The following RPS6KC1 variants were observed in gnomAD, a reference collection of about 807,000 sequenced individuals.
RPS6KC1 encodes inactive ribosomal protein S6 kinase delta-1.
A neutral mutation model predicts 103.8 loss-of-function variants in RPS6KC1; 54 were observed. The ratio of observed to expected loss-of-function variants is 0.52; its 90% CI spans 0.42 to 0.65. The LOEUF is 0.65. Among genes scored for constraint, RPS6KC1 ranks in the 30% least tolerant of loss-of-function variants. RPS6KC1 has a pLI of 0.00. For synonymous variants in RPS6KC1, 439 were observed against 438.7 expected (o/e 1.00, Z -0.01); for missense variants, 1,151 against 1,253.8 (o/e 0.92, Z 1.24).
chr1:213,533,390 C>T, the RPS6KC1 span, among the ~76,000 whole-genome samples: 1 of 152,158 alleles, frequency 6.6e-6, no homozygotes, highest in Admixed American at 6.5e-5. Context: ...GAAGGTCTTT[C>T]ATGTGGGTTG....
At chr1:213,316,029 A>T in the RPS6KC1 span, among the ~76,000 whole-genome samples, 1 of 152,232 alleles carries the variant, frequency 6.6e-6, no homozygotes, top group African/African-American at 2.4e-5. Context: ...GTGTACCCAC[A>T]CAAATCTCAT....
At chr1:213,134,114 G>C (rs554782576) in intron 6 of RPS6KC1, among the ~76,000 whole-genome samples, 1 of 152,134 alleles carries the variant, frequency 6.6e-6, no homozygotes, top group South Asian at 2.1e-4. Flanking sequence ...CAAATTGAGT[G>C]ACGGCCCTTC....
At chr1:213,577,495 G>C in the RPS6KC1 span, among the ~76,000 whole-genome samples, 2 of 152,258 alleles carry the variant, frequency 1.3e-5, no homozygotes, top group African/African-American at 4.8e-5. Flanking sequence ...GGTTGGAACA[G>C]TTTGGAGGGC....
the RPS6KC1 span, among the ~76,000 whole-genome samples, chr1:213,578,616 T>C: frequency 6.6e-6 from 1 of 152,218 alleles, no homozygotes; most frequent in African/African-American, 2.4e-5. Flanking sequence ...GAGATCATTT[T>C]GGAACTTTAA....
the RPS6KC1 span, among the ~76,000 whole-genome samples, chr1:213,691,661 G>C: frequency 6.6e-6 from 1 of 152,180 alleles, no homozygotes; most frequent in African/African-American, 2.4e-5. Context: ...ATGTTATAAT[G>C]ATTGAAAAGA....
the RPS6KC1 span, among the ~76,000 whole-genome samples, chr1:213,455,483 T>C: frequency 1.3e-5 from 2 of 152,160 alleles, no homozygotes; most frequent in Admixed American, 6.5e-5. Flanking sequence ...CTGAGTTCTG[T>C]CTGGACAAAG....
the RPS6KC1 span, among the ~76,000 whole-genome samples, chr1:213,640,097 A>G: frequency 9.3e-3 from 1,411 of 152,044 alleles, 19 homozygotes; most frequent in African/African-American, 0.032. Context: ...TGGGTTATCT[A>G]CTGTTATCTA....
the RPS6KC1 span, among the ~76,000 whole-genome samples, chr1:213,351,070 A>C: frequency 6.6e-6 from 1 of 152,208 alleles, no homozygotes; most frequent in Non-Finnish European, 1.5e-5. Context: ...ATTATATTTA[A>C]TTAAGTACAT....
the RPS6KC1 span, among the ~76,000 whole-genome samples, chr1:213,678,565 C>T: frequency 2.8e-4 from 42 of 152,348 alleles, no homozygotes; most frequent in Non-Finnish European, 4.8e-4. Flanking sequence ...ACTTCCCACA[C>T]CTGGCTGATC....
the RPS6KC1 span, among the ~76,000 whole-genome samples, chr1:213,795,655 C>T: frequency 2.6e-5 from 4 of 152,056 alleles, no homozygotes; most frequent in African/African-American, 7.2e-5. Flanking sequence ...GTTTCTGTTT[C>T]GTTTTATTTT....
the RPS6KC1 span, among the ~76,000 whole-genome samples, chr1:213,642,117 T>C: frequency 1.3e-5 from 2 of 152,130 alleles, no homozygotes; most frequent in Non-Finnish European, 1.5e-5. Flanking sequence ...CCTGAAGCTC[T>C]TCCTACCCAG....
chr1:213,169,868 G>A (rs1248331291), intron 7 of RPS6KC1, among the ~76,000 whole-genome samples: 3 of 145,600 alleles, frequency 2.1e-5, no homozygotes, highest in African/African-American at 5.2e-5. Flanking sequence ...TGTAACCTCC[G>A]CTTCCCGGGT....
At chr1:213,206,395 C>T (rs1046657765) in intron 8 of RPS6KC1, among the ~76,000 whole-genome samples, 4 of 152,334 alleles carry the variant, frequency 2.6e-5, no homozygotes, top group Admixed American at 6.5e-5. Context: ...CTTTTGAATG[C>T]TGCCCTGGGG....
intron 8 of RPS6KC1, among the ~76,000 whole-genome samples, chr1:213,206,190 C>G (rs778724644): frequency 6.6e-6 from 1 of 152,180 alleles, no homozygotes; most frequent in African/African-American, 2.4e-5. Flanking sequence ...TATAATAGGA[C>G]AACCTTTAAG....
At chr1:213,234,711 C>G (rs531369489) in intron 10 of RPS6KC1, among the ~76,000 whole-genome samples, 2 of 152,124 alleles carry the variant, frequency 1.3e-5, no homozygotes, top group Non-Finnish European at 2.9e-5. Flanking sequence ...TGTTCAAGTG[C>G]ATTGGGAAAC....
chr1:213,444,674 C>T, the RPS6KC1 span, among the ~76,000 whole-genome samples: 78 of 139,850 alleles, frequency 5.6e-4, no homozygotes, highest in South Asian at 2.0e-3. Flanking sequence ...GGAGAATCAC[C>T]TGAACCTGGG....
At chr1:213,791,168 A>T in the RPS6KC1 span, among the ~76,000 whole-genome samples, 5 of 152,278 alleles carry the variant, frequency 3.3e-5, no homozygotes, top group South Asian at 1.0e-3. Flanking sequence ...TCAGGACAAA[A>T]GAAAAAAAAA....
At chr1:213,114,082 T>C (rs1190033043) in intron 4 of RPS6KC1, among the ~76,000 whole-genome samples, 2 of 151,962 alleles carry the variant, frequency 1.3e-5, no homozygotes, top group African/African-American at 2.4e-5. Context: ...AGTAGTTTTT[T>C]CCAATTCTGT....
chr1:213,699,546 T>C, the RPS6KC1 span, among the ~76,000 whole-genome samples: 1 of 152,220 alleles, frequency 6.6e-6, no homozygotes, highest in Non-Finnish European at 1.5e-5. Context: ...TCCAATATAC[T>C]GATTTCCTTC....
Sources: allele counts gnomAD v4.1 joint callset (sites outside exome capture counted in the v4.1 genomes callset), GRCh38; gene constraint gnomAD v4.1.1; transcripts MANE v1.5; gene names NCBI Gene and HGNC (gene_info 2026-07-23, HGNC 2026-07-21).